GNB1L: variants seen among roughly 807,000 people sequenced by gnomAD.
The protein encoded by GNB1L is G protein subunit beta 1 like.
GNB1L carries 20 observed loss-of-function variants against 29.1 expected under a neutral mutation model. That is an observed-to-expected ratio of 0.69 (90% CI 0.48 to 1.00). GNB1L has a LOEUF of 1.00. GNB1L is among the 50% of genes least tolerant of loss of function. The probability of loss-of-function intolerance (pLI) is 0.00; values close to 1 mark genes in which losing one functional copy is unlikely to be tolerated. For missense variants in GNB1L, 421 were observed against 464.9 expected (o/e 0.91, Z 0.87); for synonymous variants, 193 against 206.5 (o/e 0.93, Z 0.56).
chr22:19,834,009 T>C (rs1480035533), intron 2 of GNB1L, among the ~76,000 whole-genome samples: 1 of 151,776 alleles, frequency 6.6e-6, no homozygotes, highest in Non-Finnish European at 1.5e-5. Context: ...TGTGGAATAA[T>C]AGTAAAAGGT....
chr22:19,849,947 G>T, intron 2 of GNB1L: 1 of 985,482 alleles, frequency 1.0e-6, no homozygotes, highest in Non-Finnish European at 1.2e-6. Flanking sequence ...CTCCTTGTGT[G>T]GAACAGGTCT....
intron 2 of GNB1L, among the ~76,000 whole-genome samples, chr22:19,838,081 G>C (rs559301679): frequency 6.6e-5 from 10 of 152,346 alleles, no homozygotes; most frequent in African/African-American, 2.2e-4. Context: ...TTGTCAAACT[G>C]TCCACTTGAA....
intron 2 of GNB1L, among the ~76,000 whole-genome samples, chr22:19,822,658 G>A (rs2145883398): frequency 6.6e-6 from 1 of 152,370 alleles, no homozygotes; most frequent in African/African-American, 2.4e-5. Context: ...CCTGCAGCCT[G>A]CACACAAGGC....
At chr22:19,852,640 G>A (rs1175973055) in intron 2 of GNB1L, among the ~76,000 whole-genome samples, 1 of 152,200 alleles carries the variant, frequency 6.6e-6, no homozygotes, top group Non-Finnish European at 1.5e-5. Context: ...GGAGGTCTGA[G>A]GTGGGCAAAT....
rs377034104 is a variant in GNB1L, at chr22:19,784,091, CTTG to C, written c.*4615_*4617del. 2.0e-4 allele frequency: 31 copies of C among 152,396 alleles called. No individual in the cohort carries two copies. The highest frequency in any genetic ancestry group is 6.5e-4 in the African/African-American group (27 of 41,576). The allele number at this position is 152,396 out of a possible 1,614,324, so 9.4% of individuals were successfully genotyped here. A position where few individuals can be genotyped will look rare whatever the true frequency, so the allele number is the denominator to read the frequency against. ...ACAGCAAAGTTTTCACCGGTGCCGG[CTTG>C]TTGTCTTCCACGCTGGGATTTCACA... is the stretch of plus-strand genomic sequence containing the variant. On this transcript the variant is annotated 3_prime_UTR_variant, in exon 8 of 8. Coordinates refer to ENST00000329517, the MANE Select transcript of GNB1L (RefSeq NM_053004.3).
Position 19,788,489 on chromosome 22 carries a change from C to T in GNB1L, c.*220G>A, listed in dbSNP as rs1937212394. On this transcript the variant is annotated 3_prime_UTR_variant, in exon 8 of 8. Transcript: ENST00000329517. The stretch of plus-strand genomic sequence containing the variant: ...GCCCAAGCCAACGTCTCCTGCAGGC[C>T]TCGGACGGCCAGGGCTCTGGCTGGC... The T allele has an allele frequency of 1.5e-6, 1 of 660,850 alleles. No individual in the cohort carries two copies. Among genetic ancestry groups the T allele is most frequent in the South Asian group, 1.7e-5 (1 of 58,688 alleles). The allele number at this position is 660,850 out of a possible 1,614,324, so 40.9% of individuals were successfully genotyped here.
At chr22:19,795,259 A>G (rs965040391) in intron 7 of GNB1L, among the ~76,000 whole-genome samples, 2 of 152,350 alleles carry the variant, frequency 1.3e-5, no homozygotes, top group Non-Finnish European at 2.9e-5. Context: ...TTCAAAGCTC[A>G]TGAAGCAAAA....
intron 4 of GNB1L, among the ~76,000 whole-genome samples, chr22:19,814,275 G>A (rs1937517047): frequency 6.6e-6 from 1 of 152,200 alleles, no homozygotes; most frequent in Non-Finnish European, 1.5e-5. Context: ...AGAGTCCACA[G>A]ATGGATGCTA....
At chr22:19,845,372 G>C (rs978537349) in intron 2 of GNB1L, among the ~76,000 whole-genome samples, 4 of 152,188 alleles carry the variant, frequency 2.6e-5, no homozygotes, top group African/African-American at 9.7e-5. Context: ...TGTGAATAAA[G>C]AGCCCTGGCT....
intron 7 of GNB1L, chr22:19,792,167 G>T (rs2145860282): frequency 1.7e-6 from 1 of 581,546 alleles, no homozygotes; most frequent in East Asian, 2.8e-5. Flanking sequence ...CCATAGTCAA[G>T]GGGAAAAAGC....
At chr22:19,834,567 A>G (rs904008804) in intron 2 of GNB1L, among the ~76,000 whole-genome samples, 1 of 152,224 alleles carries the variant, frequency 6.6e-6, no homozygotes, top group Non-Finnish European at 1.5e-5. Context: ...GGAGGAGGGT[A>G]AGGGACCTAT....
chr22:19,801,895 A>G, intron 7 of GNB1L, 106 bp downstream of exon 7: 1 of 972,142 alleles, frequency 1.0e-6, no homozygotes, highest in African/African-American at 1.6e-5. Context: ...GTGATTAATT[A>G]GCCAGGGATC....
In GNB1L at chr22:19,820,644, A is replaced by G. The variant is rs142592326; in HGVS notation, c.208T>C (p.Cys70Arg). The G allele has an allele frequency of 5.3e-3, 8,564 of 1,613,080 alleles. 33 individuals are homozygous for G. The highest frequency in any genetic ancestry group is 8.3e-3 in the Admixed American group (500 of 59,990). Residue 70 changes from cysteine (C) to arginine (R), a missense_variant, in exon 4 of 8, where the codon TGT (cysteine) becomes CGT (arginine). Transcript: ENST00000329517. ...GGCAGCGTCTGCAGCCAGGTCACAC[A>G]CTGGCCGCCGTGGCCATCCAGGGTG... ...VTTLDGHGGQ[C>R]VTWLQTLPQG...
At position 19,788,900 on chromosome 22, in the gene GNB1L, G is replaced by C. The variant is rs769991918; in HGVS notation, c.793C>G (p.Arg265Gly). 1 of 1,612,452 alleles carries C rather than the reference G, an allele frequency of 6.2e-7. No homozygotes were observed. Among genetic ancestry groups the C allele is most frequent in the South Asian group, 1.1e-5 (1 of 91,038 alleles). Residue 265 changes from arginine to glycine, a missense_variant, in exon 8 of 8, where the codon CGC becomes GGC. Transcript: ENST00000329517. ...CAGCCTGCGGTGGCCAGGATCTTGCGATCTGGCCGGATCGTGACCTCGGCG... is the reference window on the plus strand; with the variant it reads ...CAGCCTGCGGTGGCCAGGATCTTGCCATCTGGCCGGATCGTGACCTCGGCG... ...GIAEVTIRPD[R>G]KILATAGWDH... is the part of the protein sequence containing the mutation.
chr22:19,821,070 G>C lies in GNB1L; in HGVS notation c.128+158C>G, dbSNP rs1937574748. On this transcript the variant is annotated intron_variant, in intron 3 of 7. Coordinates refer to ENST00000329517, the MANE Select transcript of GNB1L (RefSeq NM_053004.3). ...GTGTCCCTGCCTCCCCCAAGGGACA[G>C]TGTGTCTGCTGGTGGGTGCTGAAAG... is the stretch of plus-strand genomic sequence containing the variant. 2.0e-5 allele frequency among the ~76,000 whole-genome samples: 3 copies of C among 152,348 alleles called. No individual in the cohort carries two copies. The South Asian group carries it at 6.2e-4, about 32-fold the overall frequency.
intron 2 of GNB1L, chr22:19,850,572 G>A: frequency 2.4e-5 from 28 of 1,148,370 alleles, no homozygotes; most frequent in Non-Finnish European, 2.9e-5. Flanking sequence ...CAGAACTGCT[G>A]GTAATCCCAC....
At chr22:19,851,443 C>T in intron 2 of GNB1L, 3 of 1,614,052 alleles carry the variant, frequency 1.9e-6, no homozygotes, top group Non-Finnish European at 2.5e-6. Flanking sequence ...TAGAACTGGG[C>T]AGGACTGGGG....
intron 2 of GNB1L, among the ~76,000 whole-genome samples, chr22:19,833,894 T>C (rs544917821): frequency 6.7e-6 from 1 of 149,020 alleles, no homozygotes; most frequent in South Asian, 2.1e-4. Context: ...AATAATAATA[T>C]AAATATAAAT....
intron 2 of GNB1L, among the ~76,000 whole-genome samples, chr22:19,821,806 C>T (rs887239064): frequency 1.3e-5 from 2 of 152,222 alleles, no homozygotes; most frequent in Non-Finnish European, 2.9e-5. Context: ...TGCCCTCTGG[C>T]TCCCCAGATC....
Sources: allele counts gnomAD v4.1 joint callset (sites outside exome capture counted in the v4.1 genomes callset), GRCh38; gene constraint gnomAD v4.1.1; transcripts MANE v1.5; gene names NCBI Gene and HGNC (gene_info 2026-07-23, HGNC 2026-07-21).